MARCHF1: variants seen among roughly 807,000 people sequenced by gnomAD.
MARCHF1 encodes E3 ubiquitin-protein ligase MARCHF1.
A neutral mutation model predicts 54.2 loss-of-function variants in MARCHF1; 40 were observed. The ratio of observed to expected loss-of-function variants is 0.74; its 90% CI spans 0.57 to 0.96. The LOEUF is 0.96. Among genes scored for constraint, MARCHF1 ranks in the 40% least tolerant of loss-of-function variants. The probability of loss-of-function intolerance (pLI) is 0.00; values close to 1 mark genes in which losing one functional copy is unlikely to be tolerated. For missense variants in MARCHF1, 586 were observed against 656.5 expected (o/e 0.89, Z 1.17); for synonymous variants, 236 against 236.3 (o/e 1.00, Z 0.01).
intron 5 of MARCHF1, among the ~76,000 whole-genome samples, chr4:163,672,498 T>C (rs2111134795): frequency 6.6e-6 from 1 of 152,314 alleles, no homozygotes; most frequent in East Asian, 1.9e-4. Flanking sequence ...TTTATAAGAC[T>C]CTTTTTTACT....
rs1207091346 is a variant in MARCHF1 at position 164,137,027 on chromosome 4, G to A, written c.-322-25365C>T. 3.9e-5 allele frequency among the ~76,000 whole-genome samples: 6 copies of A among 151,978 alleles called. 1 individual carries two copies. The East Asian group carries it at 1.2e-3, about 29-fold the overall frequency. ...TGTTAAAGTTTTGTTAGGCCCCAAA[G>A]GATTGAAAGAAACGAATTGTCTAAA... On this transcript the variant is annotated intron_variant, in intron 1 of 9. Transcript: ENST00000514618.
intron 2 of MARCHF1, among the ~76,000 whole-genome samples, chr4:164,053,335 T>C (rs1365348164): frequency 6.6e-6 from 1 of 152,194 alleles, no homozygotes; most frequent in Non-Finnish European, 1.5e-5. Flanking sequence ...TTGTTTCATA[T>C]GTGTCAACCC....
chr4:163,953,368 T>C (rs1250490231), intron 3 of MARCHF1, among the ~76,000 whole-genome samples: 1 of 152,144 alleles, frequency 6.6e-6, no homozygotes, highest in Non-Finnish European at 1.5e-5. Context: ...TTTTTTCTCA[T>C]GTGTAAAATG....
At chr4:164,151,471 C>G (rs1218760998) in intron 1 of MARCHF1, among the ~76,000 whole-genome samples, 5 of 152,158 alleles carry the variant, frequency 3.3e-5, no homozygotes. Context: ...TTTAATGTTA[C>G]AAACAATAGT....
intron 3 of MARCHF1, among the ~76,000 whole-genome samples, chr4:163,981,710 A>C (rs1266144558): frequency 6.6e-6 from 1 of 152,204 alleles, no homozygotes; most frequent in African/African-American, 2.4e-5. Flanking sequence ...TTGTGCTACA[A>C]AGAATTGAGT....
At chr4:164,162,756 C>T (rs1225180313) in intron 1 of MARCHF1, among the ~76,000 whole-genome samples, 1 of 152,000 alleles carries the variant, frequency 6.6e-6, no homozygotes. Flanking sequence ...AGATGAAAGA[C>T]TCAATTATCT....
At position 163,900,238 on chromosome 4, in the gene MARCHF1, T is replaced by C. The variant is rs143189153; in HGVS notation, c.-38-46069A>G. On this transcript the variant is annotated intron_variant, in intron 3 of 9. Coordinates refer to ENST00000514618, the MANE Select transcript of MARCHF1 (RefSeq NM_001394959.1). ...ACAGCAGTCTCTCAATACACATTTG[T>C]GAATGAATGAATTTTGACTGGTACT... 3.4e-3 allele frequency among the ~76,000 whole-genome samples: 520 copies of C among 152,182 alleles called. 4 individuals carry two copies. Among genetic ancestry groups the C allele is most frequent in the Middle Eastern group, 0.014 (4 of 294 alleles).
At chr4:163,656,468 C>A (rs1329401691) in intron 5 of MARCHF1, among the ~76,000 whole-genome samples, 2 of 151,958 alleles carry the variant, frequency 1.3e-5, no homozygotes, top group Non-Finnish European at 2.9e-5. Context: ...CCAAATTCTA[C>A]CAGAGGTACA....
At chr4:163,674,574 G>A (rs1488843928) in intron 5 of MARCHF1, among the ~76,000 whole-genome samples, 1 of 152,150 alleles carries the variant, frequency 6.6e-6, no homozygotes, top group Non-Finnish European at 1.5e-5. Context: ...GTGGGGTTTG[G>A]AGTTTTCTGC....
intron 7 of MARCHF1, among the ~76,000 whole-genome samples, chr4:163,601,344 GCA>G (rs1030833304): frequency 3.3e-5 from 5 of 151,004 alleles, no homozygotes; most frequent in Admixed American, 3.3e-4. Flanking sequence ...TAAATTTAAT[GCA>G]CACACAATAG....
At chr4:164,168,798 TTAC>T (rs781222243) in intron 1 of MARCHF1, among the ~76,000 whole-genome samples, 56 of 152,160 alleles carry the variant, frequency 3.7e-4, no homozygotes, top group South Asian at 1.0e-3. Context: ...CCTGAAAACT[TTAC>T]TACTGATAGC....
At position 164,074,844 on chromosome 4, in the gene MARCHF1, TA is replaced by T. The variant is rs200101426; in HGVS notation, c.-248+36743del. ...AATATACATACTATATGTAAATTCA[TA>T]AAAAATTTTATCTGAATAAATTTCT... On this transcript the variant is annotated intron_variant, in intron 2 of 9. Coordinates refer to ENST00000514618, the MANE Select transcript of MARCHF1 (RefSeq NM_001394959.1). 5.5e-3 allele frequency among the ~76,000 whole-genome samples: 839 copies of T among 151,402 alleles called. 6 individuals carry two copies. Among genetic ancestry groups the T allele is most frequent in the African/African-American group, 0.019 (800 of 41,462 alleles).
intron 5 of MARCHF1, among the ~76,000 whole-genome samples, chr4:163,658,188 G>T (rs917778670): frequency 1.3e-5 from 2 of 150,940 alleles, no homozygotes; most frequent in African/African-American, 4.9e-5. Flanking sequence ...AATCTACAAA[G>T]AACTTAAACA....
chr4:164,078,667 A>G (rs970831220), intron 2 of MARCHF1, among the ~76,000 whole-genome samples: 2 of 152,242 alleles, frequency 1.3e-5, no homozygotes, highest in African/African-American at 4.8e-5. Context: ...GAACTTCTAG[A>G]AATACTAGAA....
intron 1 of MARCHF1, among the ~76,000 whole-genome samples, chr4:164,112,526 G>T (rs1448285722): frequency 6.6e-6 from 1 of 151,916 alleles, no homozygotes; most frequent in African/African-American, 2.4e-5. Context: ...TAGCACTGTA[G>T]TTGCAGAGAA....
chr4:164,202,682 T>C (rs1363678396), intron 1 of MARCHF1, among the ~76,000 whole-genome samples: 1 of 152,236 alleles, frequency 6.6e-6, no homozygotes, highest in East Asian at 1.9e-4. Context: ...GATTTCCCAC[T>C]ACGCCTTGCT....
chr4:164,296,772 T>G (rs556505769), intron 1 of MARCHF1, among the ~76,000 whole-genome samples: 1 of 152,246 alleles, frequency 6.6e-6, no homozygotes, highest in South Asian at 2.1e-4. Context: ...TGTAATATGG[T>G]TTCTAGAAAA....
At chr4:164,308,221 T>C (rs1734747412) in intron 1 of MARCHF1, among the ~76,000 whole-genome samples, 1 of 152,200 alleles carries the variant, frequency 6.6e-6, no homozygotes, top group Non-Finnish European at 1.5e-5. Context: ...TTGTACATAA[T>C]TCAGAGGGTC....
At chr4:164,272,501 G>C (rs927614360) in intron 1 of MARCHF1, among the ~76,000 whole-genome samples, 1 of 151,976 alleles carries the variant, frequency 6.6e-6, no homozygotes, top group South Asian at 2.1e-4. Flanking sequence ...TAGTGAAAAA[G>C]TAAGAAGCTG....
Sources: gnomAD v4.1 joint callset for allele counts (sites outside exome capture counted in the v4.1 genomes callset) on GRCh38, gnomAD v4.1.1 for gene constraint, MANE v1.5 for transcripts, NCBI Gene and HGNC (gene_info 2026-07-23, HGNC 2026-07-21) for gene names.